The following TBC1D8 variants were observed in gnomAD, a reference collection of about 807,000 sequenced individuals.
TBC1D8 encodes TBC1 domain family member 8, also known as BUB2-like protein 1.
In TBC1D8, 65 loss-of-function variants were observed where a neutral mutation model predicts 118.8. That is an observed-to-expected ratio of 0.55 (90% CI 0.45 to 0.67). TBC1D8 has a LOEUF of 0.67. TBC1D8 is among the 30% of genes least tolerant of loss of function. The pLI, the probability that TBC1D8 is intolerant of heterozygous loss-of-function variation, is 0.00. For synonymous variants in TBC1D8, 566 were observed against 595.8 expected, an observed-to-expected ratio of 0.95 and a Z score of 0.73; for missense variants, 1,376 against 1,471.2, an observed-to-expected ratio of 0.94 and a Z score of 1.06.
In TBC1D8 at chr2:101,050,538, G is replaced by T; in HGVS notation, c.735C>A (p.Asp245Glu). ...IRITTQNKERDFSMFLNLDEV... is the reference protein window; with the variant it reads ...IRITTQNKEREFSMFLNLDEV... ...CATCCAGGTTCAGGAACATGGAGAA[G>T]TCACGCTCCTTATTCTGCGTGGTGA... is the stretch of plus-strand genomic sequence containing the variant. Residue 245 changes from aspartate (D) to glutamate (E), a missense_variant, in exon 5 of 20, where the codon GAC (aspartate) becomes GAA (glutamate). By Grantham distance (45) the Asp-to-Glu change is conservative (BLOSUM62 2). Coordinates refer to ENST00000409318, the MANE Select transcript of TBC1D8 (RefSeq NM_001330348.2). 1 of 1,614,030 alleles carries T rather than the reference G, an allele frequency of 6.2e-7. No individual in the cohort carries two copies. The highest frequency in any genetic ancestry group is 8.5e-7 in the Non-Finnish European group (1 of 1,179,886).
rs1364450582 is a variant in TBC1D8 at position 101,013,498 on chromosome 2, A to G, written c.2828-1958T>C. Among the ~76,000 whole-genome samples, 15 of 152,222 alleles carry G rather than the reference A, an allele frequency of 9.9e-5. No individual in the cohort carries two copies. In the East Asian group the frequency reaches 2.9e-3, roughly 29 times the overall value. ...GTGTTCATTGTGTCTCACTTCAAGT[A>G]CTACCCAAGTTAAAATAAGATAAAG... On this transcript the variant is annotated intron_variant, in intron 17 of 19. Transcript: ENST00000409318.
chr2:101,134,195 TCTCACA>T (rs1470576845), intron 1 of TBC1D8, among the ~76,000 whole-genome samples: 1,944 of 62,670 alleles, frequency 0.031, 18 homozygotes, highest in South Asian at 0.045. Context: ...TCTCTCTCTC[TCTCACA>T]CACACACACA....
rs543983302 is a variant in TBC1D8 at position 101,040,394 on chromosome 2, G to A, written c.873-9C>T. ...CTCTGGCTTCCAGGTCCCTGGGGAA[G>A]GACAGGGAGAGAAGAAGAAGAGATA... is the stretch of plus-strand genomic sequence containing the variant. On this transcript the variant is annotated splice_polypyrimidine_tract_variant and intron_variant, in intron 5 of 19. Coordinates refer to ENST00000409318, the MANE Select transcript of TBC1D8 (RefSeq NM_001330348.2). The A allele has an allele frequency of 6.3e-7, 1 of 1,583,736 alleles. No homozygotes were observed. Among genetic ancestry groups the A allele is most frequent in the East Asian group, 2.3e-5 (1 of 43,492 alleles).
chr2:101,115,349 C>T (rs919279492), intron 1 of TBC1D8, among the ~76,000 whole-genome samples: 1 of 152,206 alleles, frequency 6.6e-6, no homozygotes, highest in Non-Finnish European at 1.5e-5. Flanking sequence ...CAATTTACTT[C>T]CTCAGACTCA....
chr2:101,145,782 T>C (rs1679294323), intron 1 of TBC1D8, among the ~76,000 whole-genome samples: 1 of 152,208 alleles, frequency 6.6e-6, no homozygotes, highest in African/African-American at 2.4e-5. Context: ...TTTAATGTGG[T>C]GAGAGGAGCC....
At chr2:101,073,071 G>A (rs1435900997) in intron 2 of TBC1D8, among the ~76,000 whole-genome samples, 1 of 152,056 alleles carries the variant, frequency 6.6e-6, no homozygotes, top group Non-Finnish European at 1.5e-5. Context: ...ATTTACCATA[G>A]TTCTTAAGGG....
At chr2:101,122,805 A>G (rs1433704324) in intron 1 of TBC1D8, among the ~76,000 whole-genome samples, 1 of 152,184 alleles carries the variant, frequency 6.6e-6, no homozygotes, top group Non-Finnish European at 1.5e-5. Context: ...GCGTTTTTCA[A>G]CAGTGTGCAG....
intron 1 of TBC1D8, among the ~76,000 whole-genome samples, chr2:101,121,745 A>G (rs945015485): frequency 2.6e-5 from 4 of 152,252 alleles, no homozygotes; most frequent in Admixed American, 2.0e-4. Context: ...GAAAAGACAC[A>G]GGACTGATAT....
intron 2 of TBC1D8, chr2:101,068,468 T>G: frequency 2.7e-6 from 1 of 372,690 alleles, no homozygotes; most frequent in Non-Finnish European, 4.9e-6. Flanking sequence ...GAAGTCAATG[T>G]TCCAGGAAGT....
intron 2 of TBC1D8, among the ~76,000 whole-genome samples, chr2:101,073,281 A>AT (rs1462020027): frequency 3.5e-5 from 5 of 143,586 alleles, no homozygotes; most frequent in African/African-American, 1.3e-4. Context: ...TTTTTATTTT[A>AT]TTTTATTTTA....
chr2:101,093,772 C>G (rs1676206919), intron 1 of TBC1D8, among the ~76,000 whole-genome samples: 1 of 150,408 alleles, frequency 6.6e-6, no homozygotes, highest in Non-Finnish European at 1.5e-5. Flanking sequence ...TGCGGTGGCA[C>G]AATTTTGGCT....
chr2:101,017,381 A>T (rs1162067686), intron 17 of TBC1D8, among the ~76,000 whole-genome samples: 2 of 152,202 alleles, frequency 1.3e-5, no homozygotes, highest in East Asian at 3.8e-4. Flanking sequence ...TGTTACATGT[A>T]ATTTTATATG....
chr2:101,039,311 T>C (rs1681233219), intron 6 of TBC1D8, among the ~76,000 whole-genome samples: 1 of 152,160 alleles, frequency 6.6e-6, no homozygotes, highest in Non-Finnish European at 1.5e-5. Flanking sequence ...ATTTGTAAAA[T>C]GAAGACATCT....
chr2:101,038,432 G>A (rs1310205573), intron 7 of TBC1D8, 29 bp downstream of exon 7: 1 of 1,603,230 alleles, frequency 6.2e-7, no homozygotes, highest in Non-Finnish European at 8.5e-7. Context: ...CATGAAGAAG[G>A]GGATCATCAG....
Position 101,149,656 on chromosome 2 carries a change from A to T in TBC1D8, c.127+1471T>A, listed in dbSNP as rs114600032. Among the ~76,000 whole-genome samples, 1,319 of 152,298 alleles carry T rather than the reference A, an allele frequency of 8.7e-3. 23 individuals carry two copies. The highest frequency in any genetic ancestry group is 0.03 in the African/African-American group (1,262 of 41,560). ...CTAAATGCACCATAAATAAAGATAC[A>T]CTGCCCTCAAAGAAAGGGAGGGACG... is the stretch of plus-strand genomic sequence containing the variant. On this transcript the variant is annotated intron_variant, in intron 1 of 19. Transcript: ENST00000409318.
intron 11 of TBC1D8, among the ~76,000 whole-genome samples, chr2:101,031,979 C>A (rs939846987): frequency 6.6e-6 from 1 of 152,072 alleles, no homozygotes; most frequent in Non-Finnish European, 1.5e-5. Context: ...ATCTTTCTTC[C>A]CTTCTTGTAA....
intron 17 of TBC1D8, chr2:101,019,187 G>A (rs1399790558): frequency 2.7e-5 from 29 of 1,072,758 alleles, no homozygotes; most frequent in East Asian, 5.3e-5. Flanking sequence ...CTACACGGCC[G>A]GGGTTTCAAC....
In TBC1D8 at chr2:101,124,223, T is replaced by C. The variant is rs538756091; in HGVS notation, c.127+26904A>G. On this transcript the variant is annotated intron_variant, in intron 1 of 19. Coordinates refer to ENST00000409318, the MANE Select transcript of TBC1D8 (RefSeq NM_001330348.2). ...CAGGAGAGAGGAGGTGGAGGATGCA[T>C]TACAATCTCCAACAGAAAAAGAATT... Among the ~76,000 whole-genome samples, 3 of 152,220 alleles carry C rather than the reference T, an allele frequency of 2.0e-5. No individual in the cohort carries two copies. In the South Asian group the frequency reaches 6.2e-4, roughly 32 times the overall value.
At chr2:101,013,469 TAA>T (rs1406331839) in intron 17 of TBC1D8, among the ~76,000 whole-genome samples, 1 of 152,242 alleles carries the variant, frequency 6.6e-6, no homozygotes, top group African/African-American at 2.4e-5. Context: ...CAATTTCTAT[TAA>T]AGTGTTCATT....
Sources: allele counts gnomAD v4.1 joint callset (sites outside exome capture counted in the v4.1 genomes callset), GRCh38; gene constraint gnomAD v4.1.1; transcripts MANE v1.5; gene names NCBI Gene and HGNC (gene_info 2026-07-23, HGNC 2026-07-21).